CASP8: variants seen among roughly 807,000 people sequenced by gnomAD.
CASP8 encodes caspase 8, also known as caspase-8.
Under a neutral mutation model 46.3 loss-of-function variants are expected in CASP8, and 24 were observed. That is an observed-to-expected ratio of 0.52 (90% CI 0.38 to 0.73). The LOEUF is 0.73. CASP8 is among the 30% of genes least tolerant of loss of function. CASP8 has a pLI of 0.00. For missense variants in CASP8, 460 were observed against 559.0 expected (o/e 0.82, Z 1.79); for synonymous variants, 188 against 200.4 (o/e 0.94, Z 0.52).
intron 2 of CASP8, among the ~76,000 whole-genome samples, chr2:201,270,847 T>C (rs1559355616): frequency 6.6e-6 from 1 of 152,150 alleles, no homozygotes. Context: ...CAGACAATTA[T>C]GTGTGTTATC....
chr2:201,234,523 C>T (rs903082624), intron 2 of CASP8, among the ~76,000 whole-genome samples: 3 of 151,984 alleles, frequency 2.0e-5, no homozygotes, highest in Admixed American at 2.0e-4. Context: ...GATCTCAGCT[C>T]ACTGATATCT....
chr2:201,248,111 C>A (rs1481312124), intron 2 of CASP8, among the ~76,000 whole-genome samples: 1 of 152,166 alleles, frequency 6.6e-6, no homozygotes, highest in Non-Finnish European at 1.5e-5. Flanking sequence ...ACAGCCTTGA[C>A]TTTTGAGGCT....
At chr2:201,247,653 AT>A (rs1040017858) in intron 2 of CASP8, among the ~76,000 whole-genome samples, 2 of 141,248 alleles carry the variant, frequency 1.4e-5, no homozygotes, top group African/African-American at 2.7e-5. Context: ...TAATTCTTGT[AT>A]TTTTTTTTGA....
At chr2:201,239,328 C>A (rs901146378) in intron 2 of CASP8, among the ~76,000 whole-genome samples, 3 of 152,252 alleles carry the variant, frequency 2.0e-5, no homozygotes, top group South Asian at 2.1e-4. Context: ...GGCTCCTCAC[C>A]TCCCAGTAGG....
chr2:201,282,830 A>T lies in CASP8; in HGVS notation c.803-1986A>T, dbSNP rs1181736329. Among the ~76,000 whole-genome samples, 8 of 67,838 alleles carry T rather than the reference A, an allele frequency of 1.2e-4. 1 individual carries two copies. Among genetic ancestry groups the T allele is most frequent in the South Asian group, 9.7e-4 (1 of 1,034 alleles). 44.5% of individuals were successfully genotyped at this position (67,838 alleles called of 152,430 possible). ...GGCCGGAAGGGGGGCTGACCCCCCC[A>T]CCTCCCTCCCGGACGGGGCGGCTGG... On this transcript the variant is annotated intron_variant, in intron 7 of 8. Transcript: ENST00000673742.
intron 2 of CASP8, among the ~76,000 whole-genome samples, chr2:201,270,530 G>C (rs1350302998): frequency 6.6e-6 from 1 of 152,118 alleles, no homozygotes; most frequent in Non-Finnish European, 1.5e-5. Context: ...CTGGCCACTA[G>C]GGGACTTGAA....
At chr2:201,262,247 A>T (rs1314283263) in intron 1 of CASP8, 1 of 152,158 alleles carries the variant, frequency 6.6e-6, no homozygotes, top group Non-Finnish European at 1.5e-5. Flanking sequence ...TTCACAACAG[A>T]AAAATGGGGA....
chr2:201,277,039 G>T, intron 7 of CASP8, 71 bp downstream of exon 7: 1 of 1,125,356 alleles, frequency 8.9e-7, no homozygotes, highest in South Asian at 1.3e-5. Context: ...AAAAGGGAGA[G>T]AACAAAAGCT....
Position 201,286,680 on chromosome 2 carries a change from A to G in CASP8, c.*86A>G. 8.5e-7 allele frequency: 1 copy of G among 1,180,444 alleles called. No individual in the cohort carries two copies. Among genetic ancestry groups the G allele is most frequent in the Non-Finnish European group, 1.2e-6 (1 of 819,496 alleles). The allele number at this position is 1,180,444 out of a possible 1,614,324, so 73.1% of individuals were successfully genotyped here. Reference sequence around the variant, plus strand: ...GCCCAGGCTGGAGTGCAGTGGCGTGATCTCGGCTCACCGCAAGCTCCGCCT... The same window carrying G: ...GCCCAGGCTGGAGTGCAGTGGCGTGGTCTCGGCTCACCGCAAGCTCCGCCT... On this transcript the variant is annotated 3_prime_UTR_variant, in exon 9 of 9. Transcript: ENST00000673742.
At chr2:201,271,256 C>T (rs1948227137) in intron 2 of CASP8, among the ~76,000 whole-genome samples, 1 of 150,504 alleles carries the variant, frequency 6.6e-6, no homozygotes, top group African/African-American at 2.4e-5. Flanking sequence ...AAAAGGAAAA[C>T]AAGATTTACT....
chr2:201,239,228 T>G (rs908945827), intron 2 of CASP8, among the ~76,000 whole-genome samples: 1 of 152,212 alleles, frequency 6.6e-6, no homozygotes, highest in African/African-American at 2.4e-5. Flanking sequence ...TTCCCCCCTT[T>G]CTGTTCCACA....
chr2:201,237,107 T>TTC (rs1946085097), intron 2 of CASP8, among the ~76,000 whole-genome samples: 1 of 147,962 alleles, frequency 6.8e-6, no homozygotes, highest in Non-Finnish European at 1.5e-5. Context: ...TTTTTTTTTT[T>TTC]TGAGACAGAG....
At position 201,266,414 on chromosome 2, in the gene CASP8, A is replaced by C. The variant is rs773120385; in HGVS notation, c.-26-47A>C. ...TAGCCTTTGATGAACAAGCCAGCAAATGGTACTTTTCTTCCTTATCTGAAC... is the reference window on the plus strand; with the variant it reads ...TAGCCTTTGATGAACAAGCCAGCAACTGGTACTTTTCTTCCTTATCTGAAC... On this transcript the variant is annotated intron_variant, in intron 1 of 8. Coordinates refer to ENST00000673742, the MANE Select transcript of CASP8 (RefSeq NM_001372051.1). This position sits in a 1 kb window ranked among gnomAD's most constrained non-coding sequence, Gnocchi z 5.7. The C allele has an allele frequency of 6.9e-7, 1 of 1,459,314 alleles. No individual in the cohort carries two copies. The highest frequency in any genetic ancestry group is 1.1e-5 in the South Asian group (1 of 87,608). The allele number at this position is 1,459,314 out of a possible 1,614,324, so 90.4% of individuals were successfully genotyped here.
chr2:201,248,148 A>T (rs1045848536), intron 2 of CASP8, among the ~76,000 whole-genome samples: 1 of 152,212 alleles, frequency 6.6e-6, no homozygotes, highest in Non-Finnish European at 1.5e-5. Context: ...TTAGTATAGT[A>T]ATTAAATCTC....
chr2:201,286,748 T>C lies in CASP8; in HGVS notation c.*154T>C, dbSNP rs1949582229. On this transcript the variant is annotated 3_prime_UTR_variant, in exon 9 of 9. Coordinates refer to ENST00000673742, the MANE Select transcript of CASP8 (RefSeq NM_001372051.1). The stretch of plus-strand genomic sequence containing the variant: ...CTCCTGCCTCAGCCTCCCGAGTAGC[T>C]GGGACTACAGGGGCCCGCCACCACA... The C allele has an allele frequency of 3.2e-6, 2 of 630,936 alleles. No homozygotes were observed. Among genetic ancestry groups the C allele is most frequent in the Non-Finnish European group, 5.7e-6 (2 of 352,844 alleles). 39.1% of individuals were successfully genotyped at this position (630,936 alleles called of 1,614,324 possible). A position where few individuals can be genotyped will look rare whatever the true frequency, so the allele number is the denominator to read the frequency against.
chr2:201,259,230 T>C (rs1947215995), upstream of CASP8, among the ~76,000 whole-genome samples: 2 of 152,208 alleles, frequency 1.3e-5, no homozygotes, highest in South Asian at 4.1e-4. Flanking sequence ...TGCAGTGCAG[T>C]GGTGCAATCA....
At chr2:201,274,350 G>A (rs1948486096) in intron 5 of CASP8, among the ~76,000 whole-genome samples, 1 of 152,174 alleles carries the variant, frequency 6.6e-6, no homozygotes, top group Non-Finnish European at 1.5e-5. Context: ...TTCTTGGTAT[G>A]TTTTTCTCTT....
At chr2:201,285,357 C>T (rs966626638) in intron 8 of CASP8, 40 bp downstream of exon 8, 4 of 1,606,430 alleles carry the variant, frequency 2.5e-6, no homozygotes, top group Non-Finnish European at 3.4e-6. Context: ...TGTTACACTA[C>T]CTTCCCCCCC....
chr2:201,243,633 A>C (rs1440813537), intron 2 of CASP8, among the ~76,000 whole-genome samples: 1 of 152,208 alleles, frequency 6.6e-6, no homozygotes, highest in African/African-American at 2.4e-5. Flanking sequence ...GCCCAAATCA[A>C]AAATCATATG....
Sources: allele counts gnomAD v4.1 joint callset (sites outside exome capture counted in the v4.1 genomes callset), GRCh38; gene constraint gnomAD v4.1.1; non-coding constraint Gnocchi (gnomAD v3.1); transcripts MANE v1.5; gene names NCBI Gene and HGNC (gene_info 2026-07-23, HGNC 2026-07-21).